The following CCDC171 variants were observed in gnomAD, a reference collection of about 807,000 sequenced individuals.
CCDC171 encodes the protein coiled-coil domain-containing protein 171.
In CCDC171, 177 loss-of-function variants were observed where a neutral mutation model predicts 168.2. That is an observed-to-expected ratio of 1.05 (90% confidence interval 0.93 to 1.19). CCDC171 has a LOEUF of 1.19. Among genes scored for constraint, CCDC171 ranks in the 50% most tolerant of loss-of-function variants. The probability of loss-of-function intolerance (pLI) is 0.00; values close to 1 mark genes in which losing one functional copy is unlikely to be tolerated. For missense variants in CCDC171, 1,991 were observed against 1,539.0 expected (o/e 1.29, Z -4.91); for synonymous variants, 687 against 540.8 (o/e 1.27, Z -3.75).
intron 7 of CCDC171, among the ~76,000 whole-genome samples, chr9:15,626,064 T>G (rs768305421): frequency 2.0e-5 from 3 of 152,196 alleles, no homozygotes; most frequent in Non-Finnish European, 2.9e-5. Context: ...CTAGGTATTT[T>G]ATTCTCTTTG....
intron 6 of CCDC171, among the ~76,000 whole-genome samples, chr9:15,610,543 A>ACTTG (rs1444212801): frequency 7.0e-6 from 1 of 143,518 alleles, no homozygotes; most frequent in African/African-American, 2.6e-5. Flanking sequence ...CAGGAGAATC[A>ACTTG]CTTGAACCTG....
intron 3 of CCDC171, among the ~76,000 whole-genome samples, chr9:16,006,756 A>T (rs1175157272): frequency 6.6e-6 from 1 of 152,170 alleles, no homozygotes; most frequent in African/African-American, 2.4e-5. Flanking sequence ...ACAAAGGACA[A>T]GAACTCATCA....
chr9:15,736,219 C>T (rs2054481430), intron 16 of CCDC171, among the ~76,000 whole-genome samples: 1 of 152,128 alleles, frequency 6.6e-6, no homozygotes, highest in East Asian at 1.9e-4. Flanking sequence ...ACGTTTTTAC[C>T]ATCCTTATCT....
chr9:16,079,613 C>T, the CCDC171 span, among the ~76,000 whole-genome samples: 6 of 152,178 alleles, frequency 3.9e-5, no homozygotes, highest in African/African-American at 7.2e-5. Flanking sequence ...GGCCTGGAGC[C>T]GATTCTTTCT....
At chr9:15,936,487 G>T (rs1455036090) in intron 25 of CCDC171, among the ~76,000 whole-genome samples, 1 of 151,976 alleles carries the variant, frequency 6.6e-6, no homozygotes, top group African/African-American at 2.4e-5. Context: ...TCATCTCATT[G>T]TGTGCAGCTG....
At chr9:15,909,067 T>A (rs1823206133) in intron 24 of CCDC171, among the ~76,000 whole-genome samples, 1 of 152,146 alleles carries the variant, frequency 6.6e-6, no homozygotes, top group South Asian at 2.1e-4. Flanking sequence ...TCCAATTGAG[T>A]ATATCACAGA....
the CCDC171 span, among the ~76,000 whole-genome samples, chr9:16,085,596 C>G: frequency 3.3e-5 from 5 of 152,324 alleles, no homozygotes; most frequent in East Asian, 9.7e-4. Flanking sequence ...GTGGCTGACT[C>G]TAACTCACAG....
chr9:15,629,600 T>C (rs1209206019), intron 7 of CCDC171, among the ~76,000 whole-genome samples: 2 of 152,124 alleles, frequency 1.3e-5, no homozygotes, highest in African/African-American at 4.8e-5. Flanking sequence ...TGGAAAACAC[T>C]CTGCAGGATA....
intron 6 of CCDC171, among the ~76,000 whole-genome samples, chr9:15,621,004 C>T (rs1457910618): frequency 2.0e-5 from 3 of 152,164 alleles, no homozygotes; most frequent in Admixed American, 6.5e-5. Context: ...CCTGCTCTCT[C>T]GCCCAGGCTG....
At chr9:15,958,225 C>T (rs891930864) in intron 25 of CCDC171, among the ~76,000 whole-genome samples, 1 of 152,014 alleles carries the variant, frequency 6.6e-6, no homozygotes, top group Non-Finnish European at 1.5e-5. Context: ...CAGAAACAAG[C>T]AAACAAAATA....
chr9:15,893,684 C>T (rs1403521852), intron 24 of CCDC171, among the ~76,000 whole-genome samples: 1 of 152,156 alleles, frequency 6.6e-6, no homozygotes, highest in Admixed American at 6.6e-5. Flanking sequence ...AAAAAAATCT[C>T]AACATCACTG....
chr9:15,913,540 G>A (rs932004356), intron 24 of CCDC171, among the ~76,000 whole-genome samples: 1 of 151,858 alleles, frequency 6.6e-6, no homozygotes, highest in Non-Finnish European at 1.5e-5. Flanking sequence ...CAGTTCTGCC[G>A]TGATTTTACT....
At chr9:15,890,642 T>A (rs974513111) in intron 24 of CCDC171, among the ~76,000 whole-genome samples, 5 of 151,246 alleles carry the variant, frequency 3.3e-5, no homozygotes, top group African/African-American at 7.3e-5. Flanking sequence ...ACAAAATAAA[T>A]TCATTGCTTT....
intron 18 of CCDC171, among the ~76,000 whole-genome samples, chr9:15,765,291 G>A (rs565864944): frequency 7.7e-4 from 117 of 152,246 alleles, no homozygotes; most frequent in Admixed American, 2.5e-3. Flanking sequence ...TAGGGGTCAA[G>A]GGAGGTTTTT....
intron 25 of CCDC171, among the ~76,000 whole-genome samples, chr9:15,946,394 G>A (rs200585161): frequency 5.3e-5 from 8 of 151,798 alleles, no homozygotes; most frequent in Non-Finnish European, 5.9e-5. Context: ...ACAGAGAGCC[G>A]AATCATGAGT....
At chr9:15,813,389 A>G (rs560312359) in intron 21 of CCDC171, among the ~76,000 whole-genome samples, 4 of 152,310 alleles carry the variant, frequency 2.6e-5, no homozygotes, top group Admixed American at 6.5e-5. Flanking sequence ...AGTCAGGACC[A>G]TCTATTTTGG....
chr9:15,642,740 A>C (rs1020912768), intron 7 of CCDC171, among the ~76,000 whole-genome samples: 1 of 152,150 alleles, frequency 6.6e-6, no homozygotes, highest in Non-Finnish European at 1.5e-5. Context: ...CTGACATTTC[A>C]TTTAAAATGA....
intron 4 of CCDC171, among the ~76,000 whole-genome samples, chr9:15,586,204 A>T (rs1044050190): frequency 3.9e-5 from 6 of 152,220 alleles, no homozygotes; most frequent in African/African-American, 7.2e-5. Context: ...TGAAGGATGG[A>T]TGAATATCTG....
At chr9:15,555,882 G>A (rs112280707) in intron 1 of CCDC171, among the ~76,000 whole-genome samples, 6,687 of 151,384 alleles carry the variant, frequency 0.044, 329 homozygotes, top group South Asian at 0.12. Flanking sequence ...CCCACCCTGT[G>A]TCCAAGTATT....
Sources: gnomAD v4.1 joint callset for allele counts (sites outside exome capture counted in the v4.1 genomes callset) on GRCh38, gnomAD v4.1.1 for gene constraint, MANE v1.5 for transcripts, NCBI Gene and HGNC (gene_info 2026-07-23, HGNC 2026-07-21) for gene names.